PLCG2: variants seen among roughly 807,000 people sequenced by gnomAD.
PLCG2 encodes the protein phospholipase C gamma 2.
A neutral mutation model predicts 175.6 loss-of-function variants in PLCG2; 69 were observed. That is an observed-to-expected ratio of 0.39 (90% CI 0.32 to 0.48). The LOEUF is 0.48. PLCG2 is among the 20% of genes least tolerant of loss of function. PLCG2 has a pLI of 0.91. For missense variants in PLCG2, 1,798 were observed against 1,650.9 expected (o/e 1.09, Z -1.54); for synonymous variants, 827 against 624.0 (o/e 1.33, Z -4.85).
intron 7 of PLCG2, among the ~76,000 whole-genome samples, chr16:81,878,674 C>T (rs1034167258): frequency 1.3e-5 from 2 of 152,162 alleles, no homozygotes; most frequent in South Asian, 4.1e-4. Flanking sequence ...CAGCCATCAC[C>T]TCCATGTGTT....
intron 2 of PLCG2, among the ~76,000 whole-genome samples, chr16:81,815,896 T>C (rs1035993584): frequency 3.4e-5 from 5 of 145,822 alleles, no homozygotes; most frequent in African/African-American, 1.3e-4. Context: ...CCCCGTTTTT[T>C]ACTAAAAATA....
chr16:81,813,663 T>C (rs1295871881), intron 2 of PLCG2, among the ~76,000 whole-genome samples: 24 of 152,226 alleles, frequency 1.6e-4, no homozygotes, highest in Admixed American at 1.6e-3. Context: ...TCTGTCTCAC[T>C]TGGTGTTGCC....
Position 81,905,444 on chromosome 16 carries a change from G to T in PLCG2, c.1404G>T (p.Met468Ile). ...LGPRGDVDVN[M>I]EDKKDEHKQQ... ...CCCGAGGCGATGTGGATGTCAACAT[G>T]GAGGACAAGAAGGACGAACACAAGC... The change falls in exon 15 of 33, where the codon ATG becomes ATT. Residue 468 changes from methionine to isoleucine, a missense_variant. Coordinates refer to ENST00000564138, the MANE Select transcript of PLCG2 (RefSeq NM_002661.5). 6.2e-7 allele frequency: 1 copy of T among 1,614,178 alleles called. No homozygotes were observed. The highest frequency in any genetic ancestry group is 8.5e-7 in the Non-Finnish European group (1 of 1,180,010).
intron 14 of PLCG2, 86 bp downstream of exon 14, chr16:81,900,866 T>G (rs1396184595): frequency 8.0e-7 from 1 of 1,253,832 alleles, no homozygotes; most frequent in Admixed American, 2.1e-5. Context: ...CCAAGTTCTA[T>G]GTCCTACTGG....
At chr16:81,765,921 C>G (rs577513326) in intron 2 of PLCG2, among the ~76,000 whole-genome samples, 1 of 152,344 alleles carries the variant, frequency 6.6e-6, no homozygotes, top group South Asian at 2.1e-4. Flanking sequence ...CCACAGGGAG[C>G]TAACTCTATT....
In PLCG2 at chr16:81,877,760, GTGTAGATGTCATTGCATCGCTCCTTGGCT is replaced by G. The variant is rs1567512068; in HGVS notation, c.649-3048_649-3020del. Among the ~76,000 whole-genome samples the G allele has an allele frequency of 2.0e-4, 29 of 148,318 alleles. 1 individual carries two copies. The highest frequency in any genetic ancestry group is 4.9e-4 in the African/African-American group (20 of 40,560). On this transcript the variant is annotated intron_variant, in intron 7 of 32. Coordinates refer to ENST00000564138, the MANE Select transcript of PLCG2 (RefSeq NM_002661.5). ...CATGTAGGCGTCATCGCTTCTTGGC[GTGTAGATGTCATTGCATCGCTCCTTGGCT>G]TGTAGATGTCATTGCATCGCTCCTT... is the stretch of plus-strand genomic sequence containing the variant.
intron 1 of PLCG2, among the ~76,000 whole-genome samples, chr16:81,744,545 A>G (rs185463515): frequency 9.0e-4 from 137 of 152,152 alleles, no homozygotes; most frequent in African/African-American, 3.1e-3. Context: ...ATCTTTTGGC[A>G]CTCCATAAAT....
intron 7 of PLCG2, among the ~76,000 whole-genome samples, chr16:81,874,958 T>A (rs1205182926): frequency 7.0e-6 from 1 of 142,790 alleles, no homozygotes; most frequent in Admixed American, 6.9e-5. Context: ...GTTTTTTTTT[T>A]TTTTTTTTTT....
intron 7 of PLCG2, among the ~76,000 whole-genome samples, chr16:81,877,441 C>T (rs996106250): frequency 2.0e-5 from 3 of 152,202 alleles, no homozygotes; most frequent in African/African-American, 4.8e-5. Context: ...GGCGACACAG[C>T]GAGACTCCGT....
In PLCG2 at chr16:81,891,554, C is replaced by G; in HGVS notation, c.950C>G (p.Pro317Arg). Residue 317 changes from proline to arginine, a missense_variant, in exon 11 of 33, where the codon CCC (proline) becomes CGC (arginine). Pro to Arg is a moderately radical substitution (Grantham distance 103, BLOSUM62 -2). Coordinates refer to ENST00000564138, the MANE Select transcript of PLCG2 (RefSeq NM_002661.5). ...GTGGACATGCAGGACATGAACAACC[C>G]CCTGTCTCATTACTGGATCTCCTCG... ...DAVDMQDMNN[P>R]LSHYWISSSH... 1 of 1,608,284 alleles carries G rather than the reference C, an allele frequency of 6.2e-7. No individual in the cohort carries two copies. Among genetic ancestry groups the G allele is most frequent in the Non-Finnish European group, 8.5e-7 (1 of 1,174,836 alleles).
At chr16:81,890,912 C>G (rs1190851554) in intron 10 of PLCG2, among the ~76,000 whole-genome samples, 3 of 152,180 alleles carry the variant, frequency 2.0e-5, no homozygotes, top group African/African-American at 7.2e-5. Context: ...CCTGTAATCC[C>G]AGCACTTTGG....
In PLCG2 at chr16:81,906,706, G is replaced by A. The variant is rs1189330052; in HGVS notation, c.1468-979G>A. Among the ~76,000 whole-genome samples the A allele has an allele frequency of 2.0e-5, 3 of 152,266 alleles. No homozygotes were observed. The East Asian group carries it at 5.8e-4, about 29-fold the overall frequency. On this transcript the variant is annotated intron_variant, in intron 15 of 32. Coordinates refer to ENST00000564138, the MANE Select transcript of PLCG2 (RefSeq NM_002661.5). ...CCCGAAGTGCTAGGATTACTGGCGT[G>A]GGCCACTGTACCCAGCCAAAAATGG...
rs374517633 is a variant in PLCG2 at position 81,946,189 on chromosome 16, C to A, written c.3496C>A (p.Pro1166Thr). The stretch of plus-strand genomic sequence containing the variant: ...TTCTGCTTCAGGATTCAGGTCCGTT[C>A]CTCTGAAGAATGGGTACAGCGAGGA... ...KAVKSGFRSV[P>T]LKNGYSEDIE... The change falls in exon 31 of 33, where the codon CCT becomes ACT. Residue 1166 changes from proline to threonine, a missense_variant. Physicochemically the swap from Pro to Thr is conservative, Grantham distance 38 (BLOSUM62 -1). Coordinates refer to ENST00000564138, the MANE Select transcript of PLCG2 (RefSeq NM_002661.5). 26 of 1,613,406 alleles carry A rather than the reference C, an allele frequency of 1.6e-5. No individual in the cohort carries two copies. The highest frequency in any genetic ancestry group is 5.3e-5 in the African/African-American group (4 of 74,894).
chr16:81,828,349 C>T (rs1180731371), intron 2 of PLCG2, among the ~76,000 whole-genome samples: 1 of 141,912 alleles, frequency 7.0e-6, no homozygotes, highest in South Asian at 2.3e-4. Flanking sequence ...AAGTACACGC[C>T]ATTCTCCTGC....
chr16:81,960,691 T>C lies in PLCG2; in HGVS notation c.*2693T>C, dbSNP rs1911748617. 2 of 230,162 alleles carry C rather than the reference T, an allele frequency of 8.7e-6. No homozygotes were observed. The highest frequency in any genetic ancestry group is 1.7e-5 in the Non-Finnish European group (2 of 116,144). 14.3% of individuals were successfully genotyped at this position (230,162 alleles called of 1,614,324 possible). A position where few individuals can be genotyped will look rare whatever the true frequency, so the allele number is the denominator to read the frequency against. ...TGGAACACATTTGAAGACCTACTGC[T>C]CTATTAAGAAGGCAGCCGGACAACA... is the stretch of plus-strand genomic sequence containing the variant. On this transcript the variant is annotated 3_prime_UTR_variant, in exon 33 of 33. Coordinates refer to ENST00000564138, the MANE Select transcript of PLCG2 (RefSeq NM_002661.5).
chr16:81,915,948 G>A (rs1909821489), intron 19 of PLCG2, among the ~76,000 whole-genome samples: 1 of 152,198 alleles, frequency 6.6e-6, no homozygotes, highest in Non-Finnish European at 1.5e-5. Context: ...GGTCCTGGTA[G>A]AAAGCACAGT....
chr16:81,959,333 G>T lies in PLCG2; in HGVS notation c.*1335G>T. The stretch of plus-strand genomic sequence containing the variant: ...CTGGGCTTAGTATGCATGTACTGCT[G>T]AAAAGCAGGGCAGAACAAATCAGGC... On this transcript the variant is annotated 3_prime_UTR_variant, in exon 33 of 33. Transcript: ENST00000564138. The T allele has an allele frequency of 4.5e-6, 1 of 222,516 alleles. No homozygotes were observed. The highest frequency in any genetic ancestry group is 9.0e-6 in the Non-Finnish European group (1 of 111,292). The allele number at this position is 222,516 out of a possible 1,614,324, so 13.8% of individuals were successfully genotyped here. A position where few individuals can be genotyped will look rare whatever the true frequency, so the allele number is the denominator to read the frequency against.
intron 2 of PLCG2, among the ~76,000 whole-genome samples, chr16:81,763,109 A>T (rs547052546): frequency 6.6e-6 from 1 of 152,324 alleles, no homozygotes; most frequent in South Asian, 2.1e-4. Context: ...AGATAAAAAT[A>T]CTTGCTTGCT....
chr16:81,901,816 A>T lies in PLCG2; in HGVS notation c.1362+1036A>T, dbSNP rs149456103. Among the ~76,000 whole-genome samples the T allele has an allele frequency of 5.9e-5, 9 of 152,372 alleles. No homozygotes were observed. In the East Asian group the frequency reaches 9.6e-4, roughly 16 times the overall value. On this transcript the variant is annotated intron_variant, in intron 14 of 32. Transcript: ENST00000564138. ...GCCTCTAGATCTTATTTAAGATGTT[A>T]ATGAAGAAACCCATCTTTTAGTGTA...
Sources: allele counts gnomAD v4.1 joint callset (sites outside exome capture counted in the v4.1 genomes callset), GRCh38; gene constraint gnomAD v4.1.1; transcripts MANE v1.5; gene names NCBI Gene and HGNC (gene_info 2026-07-23, HGNC 2026-07-21).